SIGLEC7: variants seen among roughly 807,000 people sequenced by gnomAD.
SIGLEC7 encodes the protein sialic acid binding Ig like lectin 7, also known as sialic acid-binding Ig-like lectin 7.
Under a neutral mutation model 40.8 loss-of-function variants are expected in SIGLEC7, and 33 were observed. The ratio of observed to expected loss-of-function variants is 0.81; its 90% CI spans 0.61 to 1.08. SIGLEC7 has a LOEUF of 1.08. SIGLEC7 is among the 50% of genes least tolerant of loss of function. The pLI is 0.00. For missense variants in SIGLEC7, 513 were observed against 576.1 expected (o/e 0.89, Z 1.12); for synonymous variants, 242 against 237.6 (o/e 1.02, Z -0.17).
chr19:51,143,905 G>GC, intron 1 of SIGLEC7: 1 of 463,924 alleles, frequency 2.2e-6, no homozygotes, highest in Non-Finnish European at 4.3e-6. Flanking sequence ...GCGTCTCTGT[G>GC]CCCTGCAGTG....
At chr19:51,147,086 C>G (rs1325911134) in intron 5 of SIGLEC7, 135 bp from the exon 6 acceptor site, 2 of 1,360,428 alleles carry the variant, frequency 1.5e-6, no homozygotes, top group Non-Finnish European at 2.0e-6. Context: ...ACACTGGGGT[C>G]TCTGGGACTG....
At chr19:51,144,369 C>A in intron 1 of SIGLEC7, 37 bp from the exon 2 acceptor site, 1 of 1,573,034 alleles carries the variant, frequency 6.4e-7, no homozygotes. Flanking sequence ...TACCATGGAT[C>A]CTCTGTCCTG....
At position 51,142,644 on chromosome 19, in the gene SIGLEC7, G is replaced by C; in HGVS notation, c.275G>C (p.Arg92Pro). ...NPAWAVQEET[R>P]DRFHLLGDPQ... Reference sequence around the variant, plus strand: ...GCTTGGGCAGTGCAGGAGGAAACTCGGGACCGATTCCACCTCCTTGGGGAC... The same window carrying C: ...GCTTGGGCAGTGCAGGAGGAAACTCCGGACCGATTCCACCTCCTTGGGGAC... Residue 92 changes from arginine to proline, a missense_variant, in exon 1 of 7, where the codon CGG (arginine) becomes CCG (proline). Coordinates refer to ENST00000317643, the MANE Select transcript of SIGLEC7 (RefSeq NM_014385.4). The surrounding 1 kb of genome is among the most constrained non-coding windows in gnomAD (Gnocchi z 5.0). 2 of 1,614,144 alleles carry C rather than the reference G, an allele frequency of 1.2e-6. No individual in the cohort carries two copies. Among genetic ancestry groups the C allele is most frequent in the Non-Finnish European group, 1.7e-6 (2 of 1,180,030 alleles).
intron 6 of SIGLEC7, among the ~76,000 whole-genome samples, chr19:51,148,219 T>C (rs1436211681): frequency 6.6e-6 from 1 of 151,600 alleles, no homozygotes; most frequent in African/African-American, 2.4e-5. Flanking sequence ...GGGGTACATG[T>C]GCAGGTTTGT....
intron 6 of SIGLEC7, among the ~76,000 whole-genome samples, chr19:51,151,804 G>A (rs1272159956): frequency 6.6e-6 from 1 of 152,218 alleles, no homozygotes; most frequent in Non-Finnish European, 1.5e-5. Context: ...GCAGTGCTTA[G>A]ACTTGGTATG....
Position 51,146,101 on chromosome 19 carries a change from C to T in SIGLEC7, c.1007C>T (p.Ser336Phe). ...TCCCAGCACGTTTCCCTGAACCTCT[C>T]CCTGCAACAGGAGTACACAGGTGGG... ...LGSQHVSLNL[S>F]LQQEYTGKMR... Residue 336 changes from serine (S) to phenylalanine (F), a missense_variant, in exon 4 of 7, where the codon TCC (serine) becomes TTC (phenylalanine). Ser to Phe is a radical substitution (Grantham distance 155). Coordinates refer to ENST00000317643, the MANE Select transcript of SIGLEC7 (RefSeq NM_014385.4). 1 of 1,614,196 alleles carries T rather than the reference C, an allele frequency of 6.2e-7. No homozygotes were observed.
rs1487101947 is a variant in SIGLEC7, at chr19:51,146,006, G to A, written c.912G>A (p.Leu304=). ...ACCCCTCACAGCCCTCAAACCCTCT[G>A]GTACTGGAGCTGCAAGTGCACCTGG... The part of the protein sequence containing the change: ...TLYPSQPSNP[L]VLELQVHLGD... Residue 304 remains leucine, a synonymous_variant, in exon 4 of 7, where the codon CTG becomes CTA. Coordinates refer to ENST00000317643, the MANE Select transcript of SIGLEC7 (RefSeq NM_014385.4). 6.2e-7 allele frequency: 1 copy of A among 1,614,192 alleles called. No individual in the cohort carries two copies. Among genetic ancestry groups the A allele is most frequent in the Non-Finnish European group, 8.5e-7 (1 of 1,180,034 alleles).
intron 1 of SIGLEC7, chr19:51,144,114 AG>A: frequency 1.5e-6 from 1 of 682,764 alleles, no homozygotes; most frequent in Non-Finnish European, 2.8e-6. Context: ...GATGCCAGGA[AG>A]GGGGATTTGA....
chr19:51,142,623 G>A lies in SIGLEC7; in HGVS notation c.254G>A (p.Trp85Ter). Residue 85 changes from tryptophan (W) to a stop codon, truncating the protein, a stop_gained, in exon 1 of 7, where the codon TGG (tryptophan) becomes TAG (stop). Transcript: ENST00000317643. LOFTEE classifies it high-confidence loss of function. The surrounding 1 kb of genome is among the most constrained non-coding windows in gnomAD (Gnocchi z 5.0). Reference protein sequence around the residue: ...KAPVATNNPAWAVQEETRDRF... With the variant: ...KAPVATNNPA ...CCAGTGGCCACAAACAACCCAGCTT[G>A]GGCAGTGCAGGAGGAAACTCGGGAC... 1 of 1,614,182 alleles carries A rather than the reference G, an allele frequency of 6.2e-7. No individual in the cohort carries two copies. Among genetic ancestry groups the A allele is most frequent in the South Asian group, 1.1e-5 (1 of 91,086 alleles).
intron 1 of SIGLEC7, among the ~76,000 whole-genome samples, chr19:51,143,353 C>T (rs2092082925): frequency 6.6e-6 from 1 of 152,160 alleles, no homozygotes; most frequent in Admixed American, 6.5e-5. Context: ...CACACGGCCC[C>T]TCCATCTCTC....
Position 51,153,343 on chromosome 19 carries a change from G to A in SIGLEC7, c.*98G>A. 1 of 948,800 alleles carries A rather than the reference G, an allele frequency of 1.1e-6. No homozygotes were observed. The highest frequency in any genetic ancestry group is 1.5e-6 in the Non-Finnish European group (1 of 658,402). The allele number at this position is 948,800 out of a possible 1,614,324, so 58.8% of individuals were successfully genotyped here. ...TAGAATTAGCAGCCCTCAATGCTGT[G>A]CAACAAGACATCAGAACTTATTCCT... On this transcript the variant is annotated 3_prime_UTR_variant, in exon 7 of 7. Transcript: ENST00000317643.
rs2092111021 is a variant in SIGLEC7, at chr19:51,146,769, T to C, written c.1043T>C (p.Val348Ala). 2 of 1,613,718 alleles carry C rather than the reference T, an allele frequency of 1.2e-6. No homozygotes were observed. Among genetic ancestry groups the C allele is most frequent in the Non-Finnish European group, 1.7e-6 (2 of 1,179,834 alleles). ...CCATCCTCAGGCAAAATGAGGCCTG[T>C]ATCAGGAGTGTTGCTGGGGGCGGTC... ...QQEYTGKMRP[V>A]SGVLLGAVGG... The change falls in exon 5 of 7, where the codon GTA becomes GCA. Residue 348 changes from valine to alanine, a missense_variant. Coordinates refer to ENST00000317643, the MANE Select transcript of SIGLEC7 (RefSeq NM_014385.4).
At chr19:51,149,248 T>C (rs2092129156) in intron 6 of SIGLEC7, among the ~76,000 whole-genome samples, 1 of 152,240 alleles carries the variant, frequency 6.6e-6, no homozygotes, top group South Asian at 2.1e-4. Context: ...TCCAGAACGA[T>C]ATTGCCTACA....
rs915366755 is a variant in SIGLEC7, at chr19:51,142,881, C to G, written c.433+79C>G. The G allele has an allele frequency of 2.4e-5, 35 of 1,435,770 alleles. 1 individual carries two copies. Among genetic ancestry groups the G allele is most frequent in the African/African-American group, 2.9e-5 (2 of 70,100 alleles). The allele number at this position is 1,435,770 out of a possible 1,614,324, so 88.9% of individuals were successfully genotyped here. A position where few individuals can be genotyped will look rare whatever the true frequency, so the allele number is the denominator to read the frequency against. ...GCACGGCTGAGACGGGACACATGTC[C>G]TGGGAGGGGGCCGGGGGTGATGGAC... On this transcript the variant is annotated intron_variant, in intron 1 of 6. Transcript: ENST00000317643. The surrounding 1 kb of genome is among the most constrained non-coding windows in gnomAD (Gnocchi z 5.0).
chr19:51,149,353 A>T (rs912890933), intron 6 of SIGLEC7, among the ~76,000 whole-genome samples: 1 of 152,142 alleles, frequency 6.6e-6, no homozygotes. Flanking sequence ...AAGCAGTCCC[A>T]CTCAATCTTC....
Position 51,153,307 on chromosome 19 carries a change from G to T in SIGLEC7, c.*62G>T. On this transcript the variant is annotated 3_prime_UTR_variant, in exon 7 of 7. Coordinates refer to ENST00000317643, the MANE Select transcript of SIGLEC7 (RefSeq NM_014385.4). The stretch of plus-strand genomic sequence containing the variant: ...GACCCCTCCAGCAAAGGAGTCTGAG[G>T]CTGATTCCAGTAGAATTAGCAGCCC... 1 of 1,300,494 alleles carries T rather than the reference G, an allele frequency of 7.7e-7. No individual in the cohort carries two copies. Among genetic ancestry groups the T allele is most frequent in the Non-Finnish European group, 1.0e-6 (1 of 965,266 alleles). 80.6% of individuals were successfully genotyped at this position (1,300,494 alleles called of 1,614,324 possible).
At chr19:51,146,621 C>T (rs1227408435) in intron 4 of SIGLEC7, 133 bp from the exon 5 acceptor site, 2 of 690,820 alleles carry the variant, frequency 2.9e-6, no homozygotes, top group Admixed American at 2.6e-5. Flanking sequence ...CCTTCCTCCT[C>T]CCTCCCATTC....
chr19:51,144,436 C>T lies in SIGLEC7; in HGVS notation c.464C>T (p.Pro155Leu). The T allele has an allele frequency of 6.2e-7, 1 of 1,612,372 alleles. No individual in the cohort carries two copies. The highest frequency in any genetic ancestry group is 8.5e-7 in the Non-Finnish European group (1 of 1,179,712). Residue 155 changes from proline to leucine, a missense_variant, in exon 2 of 7, where the codon CCC becomes CTC. Physicochemically the swap from Pro to Leu is moderately conservative, Grantham distance 98. Coordinates refer to ENST00000317643, the MANE Select transcript of SIGLEC7 (RefSeq NM_014385.4). ...ALTHRPNILI[P>L]GTLESGCFQN... ...ACCCACAGGCCCAACATCCTTATCCCCGGTACCCTGGAGTCTGGCTGCTTC... is the reference window on the plus strand; with the variant it reads ...ACCCACAGGCCCAACATCCTTATCCTCGGTACCCTGGAGTCTGGCTGCTTC...
At chr19:51,147,132 G>T (rs928460452) in intron 5 of SIGLEC7, 89 bp from the exon 6 acceptor site, 3 of 1,584,230 alleles carry the variant, frequency 1.9e-6, no homozygotes, top group Admixed American at 3.7e-5. Context: ...CCCCTCCAGC[G>T]CCCCAACAGG....
Sources: allele counts gnomAD v4.1 joint callset (sites outside exome capture counted in the v4.1 genomes callset), GRCh38; gene constraint gnomAD v4.1.1; non-coding constraint Gnocchi (gnomAD v3.1); transcripts MANE v1.5; gene names NCBI Gene and HGNC (gene_info 2026-07-23, HGNC 2026-07-21).